GPC3: variants seen among roughly 807,000 people sequenced by gnomAD.
The protein encoded by GPC3 is glypican 3.
A neutral mutation model predicts 34.4 loss-of-function variants in GPC3; 3 were observed. The observed-to-expected ratio is 0.09, with a 90% CI of 0.04 to 0.23. GPC3 has a LOEUF of 0.23. Ranked by LOEUF, GPC3 falls within the 10% of genes least tolerant of loss-of-function variation. The pLI is 1.00. For missense variants in GPC3, 351 were observed against 445.6 expected (o/e 0.79, Z 1.91); for synonymous variants, 177 against 174.0 (o/e 1.02, Z -0.13).
intron 5 of GPC3, among the ~76,000 whole-genome samples, chrX:133,664,387 T>C (rs1445738973): frequency 8.9e-6 from 1 of 112,378 alleles, no homozygotes; most frequent in Admixed American, 9.5e-5. Context: ...CATTTCTAAT[T>C]CTAATTAATT....
chrX:133,764,651 C>T (rs780649064), intron 2 of GPC3, among the ~76,000 whole-genome samples: 64 of 111,877 alleles, frequency 5.7e-4, no homozygotes, highest in Non-Finnish European at 1.1e-3. Flanking sequence ...GTAGGAGAAT[C>T]CCACATGAAA....
intron 2 of GPC3, among the ~76,000 whole-genome samples, chrX:133,767,283 C>T (rs2071857781): frequency 8.9e-6 from 1 of 111,894 alleles, no homozygotes; most frequent in Non-Finnish European, 1.9e-5. Context: ...ATTCCAACTA[C>T]TTACCAACAA....
intron 3 of GPC3, among the ~76,000 whole-genome samples, chrX:133,738,579 G>A (rs1394092900): frequency 9.0e-6 from 1 of 111,500 alleles, no homozygotes; most frequent in East Asian, 2.8e-4. Flanking sequence ...ATTTAACAGT[G>A]GTACCCAGCA....
rs1375568930 is a variant in GPC3 at position 133,699,879 on chromosome X, A to G, written c.1166+16T>C. 1.5e-5 allele frequency: 18 copies of G among 1,193,632 alleles called. No homozygotes were observed. The highest frequency in any genetic ancestry group is 1.9e-5 in the Non-Finnish European group (17 of 884,411). ...GTTAATTGTATTGTGGAATAAAGAA[A>G]AAAGAAACCTCTCACCTTCTTCGGC... is the stretch of plus-strand genomic sequence containing the variant. On this transcript the variant is annotated intron_variant, in intron 4 of 7. Coordinates refer to ENST00000370818, the MANE Select transcript of GPC3 (RefSeq NM_004484.4).
chrX:133,774,474 A>G (rs1041088322), intron 2 of GPC3, among the ~76,000 whole-genome samples: 1 of 111,448 alleles, frequency 9.0e-6, no homozygotes, highest in Admixed American at 9.6e-5. Context: ...ACATAGGAAG[A>G]CAAAATATAA....
chrX:133,977,091 T>C (rs2076519726), intron 1 of GPC3, among the ~76,000 whole-genome samples: 2 of 111,540 alleles, frequency 1.8e-5, no homozygotes, highest in African/African-American at 3.3e-5. Flanking sequence ...TGTTCTATAG[T>C]TATATGCCAC....
chrX:133,644,233 T>C (rs1357320057), intron 6 of GPC3, among the ~76,000 whole-genome samples: 2 of 111,650 alleles, frequency 1.8e-5, no homozygotes, highest in Non-Finnish European at 3.8e-5. Flanking sequence ...GTGGAGCTGC[T>C]AGTTTCTGGC....
At chrX:133,730,078 A>G (rs2071447731) in intron 3 of GPC3, among the ~76,000 whole-genome samples, 1 of 112,251 alleles carries the variant, frequency 8.9e-6, no homozygotes, top group Admixed American at 9.4e-5. Flanking sequence ...AAGCAGTCTA[A>G]CAGTCTAATA....
At chrX:133,940,306 A>G (rs2076340411) in intron 2 of GPC3, among the ~76,000 whole-genome samples, 1 of 111,643 alleles carries the variant, frequency 9.0e-6, no homozygotes, top group African/African-American at 3.3e-5. Flanking sequence ...ACCATCTATG[A>G]TCATTTCAAT....
chrX:133,921,250 C>T (rs1293961277), intron 2 of GPC3, among the ~76,000 whole-genome samples: 3 of 111,580 alleles, frequency 2.7e-5, no homozygotes, highest in Non-Finnish European at 3.8e-5. Context: ...CTCTGGTCTC[C>T]GGGCCCCTCT....
chrX:133,882,048 A>G (rs1018290704), intron 2 of GPC3, among the ~76,000 whole-genome samples: 7 of 112,413 alleles, frequency 6.2e-5, no homozygotes, highest in Non-Finnish European at 1.1e-4. Context: ...AGCCAGAGGC[A>G]GGACTTCTTC....
At chrX:133,562,266 C>T (rs116055148) in intron 7 of GPC3, among the ~76,000 whole-genome samples, 5,474 of 111,387 alleles carry the variant, frequency 0.049, 357 homozygotes, top group African/African-American at 0.17. Flanking sequence ...AAGGAGGCAG[C>T]CTGGTCCAGT....
chrX:133,702,302 C>T (rs1378240279), intron 3 of GPC3, among the ~76,000 whole-genome samples: 1 of 112,186 alleles, frequency 8.9e-6, no homozygotes, highest in Admixed American at 9.4e-5. Context: ...TGGAACAAAA[C>T]CTTGATGTTT....
chrX:133,545,132 A>C (rs1253428328), intron 7 of GPC3, among the ~76,000 whole-genome samples: 1 of 111,785 alleles, frequency 8.9e-6, no homozygotes, highest in Non-Finnish European at 1.9e-5. Context: ...CAGTAGAAGA[A>C]GAGGAGCTGA....
At chrX:133,641,348 C>T (rs1008836921) in intron 6 of GPC3, among the ~76,000 whole-genome samples, 24 of 109,087 alleles carry the variant, frequency 2.2e-4, no homozygotes, top group East Asian at 5.8e-4. Flanking sequence ...TGGTGACGCG[C>T]GCCTGTAATC....
chrX:133,810,046 C>T (rs890263738), intron 2 of GPC3, among the ~76,000 whole-genome samples: 17 of 111,695 alleles, frequency 1.5e-4, no homozygotes, highest in Non-Finnish European at 3.0e-4. Flanking sequence ...TACCAGTTTC[C>T]GGCCCATTTT....
In GPC3 at chrX:133,610,305, C is replaced by T. The variant is rs191894291; in HGVS notation, c.1414-13706G>A. ...TTTCTTACTTGGAATCCTTCCCTAT[C>T]CCACAAAATTGTTTGGTGATGATGG... On this transcript the variant is annotated intron_variant, in intron 6 of 7. Coordinates refer to ENST00000370818, the MANE Select transcript of GPC3 (RefSeq NM_004484.4). Among the ~76,000 whole-genome samples the T allele has an allele frequency of 3.9e-3, 431 of 111,176 alleles. 3 individuals carry two copies. Among genetic ancestry groups the T allele is most frequent in the Non-Finnish European group, 5.0e-3 (266 of 53,046 alleles).
intron 5 of GPC3, among the ~76,000 whole-genome samples, chrX:133,674,228 T>C: frequency 9.1e-6 from 1 of 109,869 alleles, no homozygotes; most frequent in Non-Finnish European, 1.9e-5. Flanking sequence ...AACCAGTCTC[T>C]AAAAAAAATA....
At chrX:133,967,004 T>C (rs1281874492) in intron 1 of GPC3, among the ~76,000 whole-genome samples, 1 of 111,556 alleles carries the variant, frequency 9.0e-6, no homozygotes, top group Non-Finnish European at 1.9e-5. Context: ...TGGAAGAGAT[T>C]TAATGGAGGA....
Sources: gnomAD v4.1 joint callset for allele counts (sites outside exome capture counted in the v4.1 genomes callset) on GRCh38, gnomAD v4.1.1 for gene constraint, MANE v1.5 for transcripts, NCBI Gene and HGNC (gene_info 2026-07-23, HGNC 2026-07-21) for gene names.